The following ALK variants were observed in gnomAD, a reference collection of about 807,000 sequenced individuals.
ALK encodes ALK tyrosine kinase receptor.
In ALK, 74 loss-of-function variants were observed where a neutral mutation model predicts 163.1. That is an observed-to-expected ratio of 0.45 (90% CI 0.38 to 0.55). The LOEUF (loss-of-function observed/expected upper bound fraction) is 0.55, where lower values mean the gene tolerates loss of function less well. ALK is among the 20% of genes least tolerant of loss of function. The pLI, the probability that ALK is intolerant of heterozygous loss-of-function variation, is 0.00. For missense variants in ALK, 2,063 were observed against 2,105.3 expected (o/e 0.98, Z 0.39); for synonymous variants, 960 against 843.2 (o/e 1.14, Z -2.40).
intron 1 of ALK, among the ~76,000 whole-genome samples, chr2:29,868,684 C>G (rs1171262929): frequency 6.6e-6 from 1 of 152,188 alleles, no homozygotes; most frequent in African/African-American, 2.4e-5. Context: ...CTCACTCTAA[C>G]AAATCATACC....
intron 1 of ALK, among the ~76,000 whole-genome samples, chr2:29,908,280 GCACACACACACACACACA>G (rs10607985): frequency 6.7e-6 from 1 of 148,470 alleles, no homozygotes; most frequent in African/African-American, 2.5e-5. Flanking sequence ...ACTCTCCAGA[GCACACACACACACACACA>G]CACACACACA....
At chr2:29,339,247 A>G (rs2148268904) in intron 5 of ALK, among the ~76,000 whole-genome samples, 1 of 152,184 alleles carries the variant, frequency 6.6e-6, no homozygotes, top group East Asian at 1.9e-4. Context: ...TATCTCAAAA[A>G]AAAAAAAAAG....
chr2:29,500,769 G>A (rs866536939), intron 4 of ALK, among the ~76,000 whole-genome samples: 24 of 151,950 alleles, frequency 1.6e-4, no homozygotes, highest in Admixed American at 1.2e-3. Flanking sequence ...TCTTCCCTTC[G>A]CTCTTCTCCT....
rs1672460575 is a variant in ALK at position 29,509,837 on chromosome 2, G to C, written c.1154+22078C>G. Among the ~76,000 whole-genome samples the C allele has an allele frequency of 2.0e-5, 3 of 152,204 alleles. No individual in the cohort carries two copies. In the South Asian group the frequency reaches 6.2e-4, roughly 31 times the overall value. On this transcript the variant is annotated intron_variant, in intron 4 of 28. Transcript: ENST00000389048. ...AGGGTTGGGGAGAAGCATTTAAAAAGAGAAAGAGAGCTAGAGAGGGGGCTT... is the reference window on the plus strand; with the variant it reads ...AGGGTTGGGGAGAAGCATTTAAAAACAGAAAGAGAGCTAGAGAGGGGGCTT...
intron 8 of ALK, among the ~76,000 whole-genome samples, chr2:29,305,264 C>T (rs2148237870): frequency 6.6e-6 from 1 of 152,274 alleles, no homozygotes; most frequent in African/African-American, 2.4e-5. Flanking sequence ...CTTCTTGGGG[C>T]TGTTACATCG....
chr2:29,638,020 G>GAA (rs1676591970), intron 3 of ALK, among the ~76,000 whole-genome samples: 1 of 151,676 alleles, frequency 6.6e-6, no homozygotes, highest in Non-Finnish European at 1.5e-5. Flanking sequence ...GAAATAAGCA[G>GAA]AGCTCTAGTG....
chr2:29,888,160 A>C (rs1260066630), intron 1 of ALK, among the ~76,000 whole-genome samples: 1 of 152,072 alleles, frequency 6.6e-6, no homozygotes, highest in Non-Finnish European at 1.5e-5. Flanking sequence ...GTTTCTGGCA[A>C]TATAAGTCAA....
Position 29,513,586 on chromosome 2 carries a change from C to T in ALK, c.1154+18329G>A, listed in dbSNP as rs1439904643. On this transcript the variant is annotated intron_variant, in intron 4 of 28. Transcript: ENST00000389048. ...GGCATTACCATTCAGGACTTAGGCA[C>T]GGGCAAGGACTTCATGTCTAAAACA... is the stretch of plus-strand genomic sequence containing the variant. Among the ~76,000 whole-genome samples the T allele has an allele frequency of 2.3e-4, 35 of 151,950 alleles. No individual in the cohort carries two copies. In the South Asian group the frequency reaches 2.5e-3, roughly 11 times the overall value.
intron 1 of ALK, among the ~76,000 whole-genome samples, chr2:29,901,749 T>C (rs1373735756): frequency 2.0e-5 from 3 of 152,224 alleles, no homozygotes; most frequent in Admixed American, 6.5e-5. Context: ...CTGTGATCTA[T>C]GAAGGATTGG....
At chr2:29,545,360 G>T (rs564852181) in intron 3 of ALK, among the ~76,000 whole-genome samples, 1 of 152,292 alleles carries the variant, frequency 6.6e-6, no homozygotes, top group South Asian at 2.1e-4. Context: ...TTTCAAACTT[G>T]AATTCTACTA....
chr2:29,409,457 C>T (rs866113369), intron 4 of ALK, among the ~76,000 whole-genome samples: 3 of 152,274 alleles, frequency 2.0e-5, no homozygotes, highest in Middle Eastern at 6.8e-3. Flanking sequence ...TCCTGCCACT[C>T]GGAACCATTT....
At chr2:29,717,215 T>C (rs910249085) in intron 2 of ALK, among the ~76,000 whole-genome samples, 4 of 148,530 alleles carry the variant, frequency 2.7e-5, no homozygotes, top group Non-Finnish European at 4.5e-5. Context: ...TTGTGATTGC[T>C]AGAAACACTG....
At chr2:29,368,749 C>T (rs146913288) in intron 5 of ALK, among the ~76,000 whole-genome samples, 1 of 152,216 alleles carries the variant, frequency 6.6e-6, no homozygotes, top group Non-Finnish European at 1.5e-5. Flanking sequence ...CCCTGTCTTC[C>T]TCCTCCTTTT....
rs1678834578 is a variant in ALK, at chr2:29,704,322, C to T, written c.788-9308G>A. Among the ~76,000 whole-genome samples, 4 of 152,238 alleles carry T rather than the reference C, an allele frequency of 2.6e-5. No homozygotes were observed. The South Asian group carries it at 6.2e-4, about 24-fold the overall frequency. ...GAGGATCCTCTTTGCTCGAGGGATT[C>T]ATCAGAATGTCCCAAATGTAGGCCT... On this transcript the variant is annotated intron_variant, in intron 2 of 28. Transcript: ENST00000389048.
chr2:29,383,641 G>A, intron 5 of ALK, 91 bp downstream of exon 5: 1 of 1,559,866 alleles, frequency 6.4e-7, no homozygotes, highest in Non-Finnish European at 8.8e-7. Flanking sequence ...CTTCATAAGT[G>A]TGCACATTCC....
At chr2:29,703,063 A>C (rs1184441678) in intron 2 of ALK, among the ~76,000 whole-genome samples, 4 of 152,240 alleles carry the variant, frequency 2.6e-5, no homozygotes, top group Admixed American at 2.6e-4. Flanking sequence ...TGTTTTCAGA[A>C]GGGGCCTATA....
intron 1 of ALK, among the ~76,000 whole-genome samples, chr2:29,790,230 G>A (rs2879482): frequency 0.09 from 13,682 of 151,996 alleles, 1,479 homozygotes; most frequent in African/African-American, 0.25. Flanking sequence ...TGCATCTGCC[G>A]TAATTAGACT....
At chr2:29,682,920 A>T (rs1179432860) in intron 3 of ALK, among the ~76,000 whole-genome samples, 5 of 152,210 alleles carry the variant, frequency 3.3e-5, no homozygotes, top group Admixed American at 3.3e-4. Flanking sequence ...TCCAGAAAAG[A>T]GACACAGGGA....
chr2:29,752,722 C>T (rs1292595553), intron 1 of ALK, among the ~76,000 whole-genome samples: 1 of 152,160 alleles, frequency 6.6e-6, no homozygotes, highest in African/African-American at 2.4e-5. Flanking sequence ...CTTCTATACC[C>T]TGTTGTTTCT....
Sources: gnomAD v4.1 joint callset for allele counts (sites outside exome capture counted in the v4.1 genomes callset) on GRCh38, gnomAD v4.1.1 for gene constraint, MANE v1.5 for transcripts, NCBI Gene and HGNC (gene_info 2026-07-23, HGNC 2026-07-21) for gene names.